The following XRCC4 variants were observed in gnomAD, a reference collection of about 807,000 sequenced individuals.
The protein encoded by XRCC4 is X-ray repair cross complementing 4.
Under a neutral mutation model 39.1 loss-of-function variants are expected in XRCC4, and 28 were observed. The ratio of observed to expected loss-of-function variants is 0.72; its 90% confidence interval spans 0.53 to 0.98. The LOEUF (loss-of-function observed/expected upper bound fraction) is 0.98. Ranked by LOEUF, XRCC4 falls within the 50% of genes least tolerant of loss-of-function variation. The pLI is 0.00. For missense variants in XRCC4, 350 were observed against 376.4 expected, an observed-to-expected ratio of 0.93 and a Z score of 0.58; for synonymous variants, 123 against 126.4, an observed-to-expected ratio of 0.97 and a Z score of 0.18.
chr5:83,211,760 G>C (rs1751655200), intron 6 of XRCC4, among the ~76,000 whole-genome samples: 1 of 152,004 alleles, frequency 6.6e-6, no homozygotes, highest in Non-Finnish European at 1.5e-5. Context: ...TAAAAATCAA[G>C]AATAAAATAA....
intron 3 of XRCC4, among the ~76,000 whole-genome samples, chr5:83,173,980 T>G (rs1297572852): frequency 6.6e-6 from 1 of 152,174 alleles, no homozygotes. Context: ...GGGTGTCAAA[T>G]TTATTTATCC....
intron 7 of XRCC4, among the ~76,000 whole-genome samples, chr5:83,261,293 C>T (rs1278770253): frequency 6.6e-6 from 1 of 152,016 alleles, no homozygotes; most frequent in East Asian, 1.9e-4. Context: ...CTATTTTCCT[C>T]CCTTCCTGAA....
At chr5:83,181,685 C>A (rs1037601279) in intron 3 of XRCC4, among the ~76,000 whole-genome samples, 1 of 152,078 alleles carries the variant, frequency 6.6e-6, no homozygotes, top group South Asian at 2.1e-4. Flanking sequence ...CAAAAGGGAA[C>A]ACAGGTAAGC....
At position 83,183,783 on chromosome 5, in the gene XRCC4, C is replaced by T. The variant is rs28360115; in HGVS notation, c.316-11987C>T. Among the ~76,000 whole-genome samples the T allele has an allele frequency of 1.8e-4, 27 of 152,182 alleles. No homozygotes were observed. The East Asian group carries it at 2.1e-3, about 12-fold the overall frequency. ...TTTTTGGCAAGAAAATTCAATTAAA[C>T]GCATGGTTACCGTCTATCATACTCC... On this transcript the variant is annotated intron_variant, in intron 3 of 7. Coordinates refer to ENST00000396027, the MANE Select transcript of XRCC4 (RefSeq NM_003401.5).
At chr5:83,105,850 T>C (rs947205455) in intron 2 of XRCC4, among the ~76,000 whole-genome samples, 1 of 152,156 alleles carries the variant, frequency 6.6e-6, no homozygotes, top group African/African-American at 2.4e-5. Context: ...ATATCTTCTA[T>C]TAACTTTAGA....
chr5:83,225,972 A>G (rs1464610223), intron 6 of XRCC4, among the ~76,000 whole-genome samples: 1 of 152,000 alleles, frequency 6.6e-6, no homozygotes, highest in Non-Finnish European at 1.5e-5. Flanking sequence ...GTCCTTCTGC[A>G]GATAGCTCTA....
At chr5:83,369,251 T>C in the XRCC4 span, among the ~76,000 whole-genome samples, 512 of 152,282 alleles carry the variant, frequency 3.4e-3, 16 homozygotes, top group East Asian at 0.077. Context: ...TGTTTTCTTT[T>C]TAAGCTTTTA....
At chr5:83,236,450 C>A (rs1204166655) in intron 6 of XRCC4, among the ~76,000 whole-genome samples, 1 of 151,888 alleles carries the variant, frequency 6.6e-6, no homozygotes, top group Non-Finnish European at 1.5e-5. Context: ...GAAAAGGTCA[C>A]CAAGAACATA....
chr5:83,089,684 C>T (rs1001000484), intron 1 of XRCC4, among the ~76,000 whole-genome samples: 16 of 152,044 alleles, frequency 1.1e-4, no homozygotes, highest in African/African-American at 3.9e-4. Context: ...GAATAATTTT[C>T]TTATTAGGGA....
chr5:83,245,912 G>A (rs1267104496), intron 6 of XRCC4, among the ~76,000 whole-genome samples: 1 of 149,434 alleles, frequency 6.7e-6, no homozygotes, highest in African/African-American at 2.5e-5. Context: ...TTACCTACAA[G>A]AAATAGATTA....
At chr5:83,337,473 T>C (rs990274919) in intron 7 of XRCC4, among the ~76,000 whole-genome samples, 10 of 152,148 alleles carry the variant, frequency 6.6e-5, no homozygotes, top group Admixed American at 1.3e-4. Flanking sequence ...TATGTCAGAC[T>C]ACCTGAGACT....
intron 3 of XRCC4, among the ~76,000 whole-genome samples, chr5:83,119,053 C>T (rs72767138): frequency 0.065 from 9,964 of 152,134 alleles, 449 homozygotes; most frequent in South Asian, 0.15. Context: ...ATTTAATTGA[C>T]GTTTCTCAAA....
intron 3 of XRCC4, among the ~76,000 whole-genome samples, chr5:83,131,283 T>A (rs1354767239): frequency 6.6e-6 from 1 of 152,106 alleles, no homozygotes; most frequent in Non-Finnish European, 1.5e-5. Context: ...CAGTTTTGAG[T>A]GAGTTTCTTA....
At chr5:83,320,371 TA>T (rs1056580117) in intron 7 of XRCC4, among the ~76,000 whole-genome samples, 8 of 133,400 alleles carry the variant, frequency 6.0e-5, no homozygotes, top group East Asian at 2.4e-4. Context: ...AAATAAAAAA[TA>T]AAAAAATAAT....
In XRCC4 at chr5:83,161,725, T is replaced by TA. The variant is rs1260337727; in HGVS notation, c.316-34044dup. On this transcript the variant is annotated intron_variant, in intron 3 of 7. Transcript: ENST00000396027. ...AATCAACATATTTGTTCGTCTTGTT[T>TA]ATTAAAAGCATAAGGAACTTCAATA... is the stretch of plus-strand genomic sequence containing the variant. 2.6e-5 allele frequency among the ~76,000 whole-genome samples: 4 copies of TA among 152,262 alleles called. No individual in the cohort carries two copies. The East Asian group carries it at 7.7e-4, about 29-fold the overall frequency.
intron 6 of XRCC4, among the ~76,000 whole-genome samples, chr5:83,210,054 T>C (rs1472117927): frequency 6.6e-6 from 1 of 152,128 alleles, no homozygotes; most frequent in African/African-American, 2.4e-5. Context: ...TGAAAATAAA[T>C]GAATGGCTAT....
chr5:83,237,909 T>G (rs556030974), intron 6 of XRCC4, among the ~76,000 whole-genome samples: 3 of 152,122 alleles, frequency 2.0e-5, no homozygotes, highest in African/African-American at 7.2e-5. Context: ...ATATTACTAT[T>G]TTATCTAAAT....
At position 83,187,836 on chromosome 5, in the gene XRCC4, A is replaced by C. The variant is rs1381446565; in HGVS notation, c.316-7934A>C. 2.6e-5 allele frequency among the ~76,000 whole-genome samples: 4 copies of C among 152,274 alleles called. No homozygotes were observed. In the East Asian group the frequency reaches 7.7e-4, roughly 29 times the overall value. ...CACTAAAATGTGACTTGTGTGACTG[A>C]GGAACTTACTTTTTAATTTAATTAA... is the stretch of plus-strand genomic sequence containing the variant. On this transcript the variant is annotated intron_variant, in intron 3 of 7. Transcript: ENST00000396027.
chr5:83,196,160 A>C (rs1750937312), intron 4 of XRCC4, among the ~76,000 whole-genome samples: 1 of 152,108 alleles, frequency 6.6e-6, no homozygotes, highest in African/African-American at 2.4e-5. Context: ...ATTTATAAAC[A>C]ATAAGGATTA....
Sources: gnomAD v4.1 joint callset for allele counts (sites outside exome capture counted in the v4.1 genomes callset) on GRCh38, gnomAD v4.1.1 for gene constraint, MANE v1.5 for transcripts, NCBI Gene and HGNC (gene_info 2026-07-23, HGNC 2026-07-21) for gene names.